Variants in SHISA9 observed in about 807,000 individuals in gnomAD.
SHISA9 encodes protein shisa-9.
In SHISA9, 13 loss-of-function variants were observed where a neutral mutation model predicts 38.0. The ratio of observed to expected loss-of-function variants is 0.34; its 90% confidence interval spans 0.22 to 0.54. SHISA9 has a LOEUF of 0.54. SHISA9 is among the 20% of genes least tolerant of loss of function. The pLI, the probability that SHISA9 is intolerant of heterozygous loss-of-function variation, is 0.91. For missense variants in SHISA9, 538 were observed against 575.8 expected, an observed-to-expected ratio of 0.93 and a Z score of 0.67; for synonymous variants, 275 against 242.0, an observed-to-expected ratio of 1.14 and a Z score of -1.27.
At chr16:13,354,241 T>G in the SHISA9 span, among the ~76,000 whole-genome samples, 1 of 98,856 alleles carries the variant, frequency 1.0e-5, no homozygotes, top group Non-Finnish European at 2.2e-5. Context: ...AATGAGAGGT[T>G]CTAAGAGGCA....
intron 2 of SHISA9, among the ~76,000 whole-genome samples, chr16:13,161,831 T>C (rs1460409173): frequency 6.6e-6 from 1 of 152,170 alleles, no homozygotes; most frequent in East Asian, 1.9e-4. Flanking sequence ...GTGCTAGAAA[T>C]GGAAAGTTTC....
At position 13,192,376 on chromosome 16, in the gene SHISA9, TAAAA is replaced by T. The variant is rs1202765596; in HGVS notation, c.692-11017_692-11014del. Among the ~76,000 whole-genome samples, 3 of 152,138 alleles carry T rather than the reference TAAAA, an allele frequency of 2.0e-5. No homozygotes were observed. In the East Asian group the frequency reaches 5.8e-4, roughly 29 times the overall value. On this transcript the variant is annotated intron_variant, in intron 2 of 4. Coordinates refer to ENST00000558583, the MANE Select transcript of SHISA9 (RefSeq NM_001145204.3). ...GCACAAATATGTATCTAAAATAAAA[TAAAA>T]TTTGAAAAAGAAAGCTTTGGAAAAA...
the SHISA9 span, among the ~76,000 whole-genome samples, chr16:13,247,739 G>C: frequency 1.3e-5 from 2 of 152,192 alleles, no homozygotes; most frequent in African/African-American, 2.4e-5. Flanking sequence ...ATGGTTGCTA[G>C]AAATAATTTT....
chr16:13,311,931 C>T, the SHISA9 span, among the ~76,000 whole-genome samples: 1 of 152,086 alleles, frequency 6.6e-6, no homozygotes, highest in African/African-American at 2.4e-5. Flanking sequence ...TAGAACCCTG[C>T]CTGTAACATA....
At chr16:13,382,363 A>T in the SHISA9 span, among the ~76,000 whole-genome samples, 1 of 151,872 alleles carries the variant, frequency 6.6e-6, no homozygotes, top group East Asian at 1.9e-4. Flanking sequence ...CCCCGTCTCT[A>T]CTAAAAATAC....
chr16:13,522,899 T>A, the SHISA9 span, among the ~76,000 whole-genome samples: 3 of 152,100 alleles, frequency 2.0e-5, no homozygotes, highest in African/African-American at 7.2e-5. Context: ...TCAGCCCCTG[T>A]TATATTACAG....
At chr16:13,205,396 C>A (rs2051054494) in intron 3 of SHISA9, among the ~76,000 whole-genome samples, 1 of 152,096 alleles carries the variant, frequency 6.6e-6, no homozygotes, top group African/African-American at 2.4e-5. Context: ...AGTTTTTCTC[C>A]CTGTCTCAGA....
In SHISA9 at chr16:13,096,517, T is replaced by C. The variant is rs1399336445; in HGVS notation, c.692-106877T>C. Among the ~76,000 whole-genome samples the C allele has an allele frequency of 3.3e-5, 5 of 152,176 alleles. No individual in the cohort carries two copies. The South Asian group carries it at 1.0e-3, about 32-fold the overall frequency. ...GGGAAGGATCCTGATGCAAGACTCA[T>C]GCTGAAGCTGAATCTTAAGTGTAGA... On this transcript the variant is annotated intron_variant, in intron 2 of 4. Coordinates refer to ENST00000558583, the MANE Select transcript of SHISA9 (RefSeq NM_001145204.3).
chr16:13,359,917 C>T, the SHISA9 span, among the ~76,000 whole-genome samples: 1 of 152,100 alleles, frequency 6.6e-6, no homozygotes, highest in African/African-American at 2.4e-5. Context: ...TTGAGCTGGT[C>T]CCCCAAGACT....
intron 2 of SHISA9, among the ~76,000 whole-genome samples, chr16:13,152,545 T>C (rs1361770794): frequency 1.3e-5 from 2 of 152,206 alleles, no homozygotes; most frequent in African/African-American, 4.8e-5. Context: ...AACTAGCATA[T>C]CCTGTCACTG....
At chr16:13,107,818 G>C (rs984772969) in intron 2 of SHISA9, among the ~76,000 whole-genome samples, 4 of 152,148 alleles carry the variant, frequency 2.6e-5, no homozygotes, top group African/African-American at 4.8e-5. Flanking sequence ...GGCAGTGGCA[G>C]TGGGTATAAG....
At chr16:13,487,367 A>G in the SHISA9 span, among the ~76,000 whole-genome samples, 1 of 152,260 alleles carries the variant, frequency 6.6e-6, no homozygotes, top group Non-Finnish European at 1.5e-5. Context: ...GCATCACATA[A>G]GCATCTGCTT....
the SHISA9 span, among the ~76,000 whole-genome samples, chr16:13,536,491 A>ATAAT: frequency 6.6e-6 from 1 of 152,214 alleles, no homozygotes; most frequent in Non-Finnish European, 1.5e-5. Flanking sequence ...CTCTCAGTAT[A>ATAAT]TAATTGTGGA....
chr16:13,049,153 AGTATGTGT>A (rs1174391350), intron 2 of SHISA9, among the ~76,000 whole-genome samples: 4,716 of 138,416 alleles, frequency 0.034, 90 homozygotes, highest in Non-Finnish European at 0.048. Flanking sequence ...TTTGGTTAGG[AGTATGTGT>A]GTGTGTGTGT....
At chr16:13,560,826 A>G in the SHISA9 span, among the ~76,000 whole-genome samples, 1 of 151,410 alleles carries the variant, frequency 6.6e-6, no homozygotes, top group Non-Finnish European at 1.5e-5. Context: ...CAGAACAAAA[A>G]CATTGTTTCT....
chr16:13,050,811 T>C (rs950020685), intron 2 of SHISA9, among the ~76,000 whole-genome samples: 6 of 152,210 alleles, frequency 3.9e-5, no homozygotes, highest in Admixed American at 1.3e-4. Flanking sequence ...CTCAAGCTGT[T>C]TTTATGGGAC....
At chr16:12,951,863 C>A (rs2071761952) in intron 2 of SHISA9, among the ~76,000 whole-genome samples, 1 of 152,174 alleles carries the variant, frequency 6.6e-6, no homozygotes, top group African/African-American at 2.4e-5. Context: ...AACACTCCTG[C>A]CTCAGAGGCT....
chr16:13,235,472 G>T lies in SHISA9; in HGVS notation c.*63G>T. On this transcript the variant is annotated 3_prime_UTR_variant, in exon 5 of 5. Coordinates refer to ENST00000558583, the MANE Select transcript of SHISA9 (RefSeq NM_001145204.3). ...ACTGAGAGAGGCAAAAAACAACCCC[G>T]CCCACACCCTCCCCATCCTCCCCTA... 1 of 1,459,982 alleles carries T rather than the reference G, an allele frequency of 6.8e-7. No individual in the cohort carries two copies. Among genetic ancestry groups the T allele is most frequent in the Non-Finnish European group, 9.0e-7 (1 of 1,106,810 alleles). The allele number at this position is 1,459,982 out of a possible 1,614,324, so 90.4% of individuals were successfully genotyped here.
At chr16:13,018,839 C>G (rs1176772188) in intron 2 of SHISA9, among the ~76,000 whole-genome samples, 1 of 152,068 alleles carries the variant, frequency 6.6e-6, no homozygotes, top group Non-Finnish European at 1.5e-5. Flanking sequence ...CTGTGTGTGC[C>G]AGAGCCTATG....
Sources: allele counts gnomAD v4.1 joint callset (sites outside exome capture counted in the v4.1 genomes callset), GRCh38; gene constraint gnomAD v4.1.1; transcripts MANE v1.5; gene names NCBI Gene and HGNC (gene_info 2026-07-23, HGNC 2026-07-21).